Variants in ADGRV1 observed in about 807,000 individuals in gnomAD.
The protein encoded by ADGRV1 is G-protein coupled receptor 98.
In ADGRV1, 359 loss-of-function variants were observed where a neutral mutation model predicts 596.2. The observed-to-expected ratio is 0.60, with a 90% CI of 0.55 to 0.66. The LOEUF is 0.66. Ranked by LOEUF, ADGRV1 falls within the 30% of genes least tolerant of loss-of-function variation. The pLI, the probability that ADGRV1 is intolerant of heterozygous loss-of-function variation, is 0.00. For missense variants in ADGRV1, 7,274 were observed against 7,575.6 expected, an observed-to-expected ratio of 0.96 and a Z score of 1.48; for synonymous variants, 2,681 against 2,679.2, an observed-to-expected ratio of 1.00 and a Z score of -0.02.
chr5:90,971,762 GA>G (rs1779036200), intron 84 of ADGRV1, among the ~76,000 whole-genome samples: 1 of 152,176 alleles, frequency 6.6e-6, no homozygotes, highest in South Asian at 2.1e-4. Flanking sequence ...AAATTGTAAA[GA>G]CCATCGATGC....
chr5:90,817,281 T>G (rs1412854667), intron 75 of ADGRV1, among the ~76,000 whole-genome samples: 3 of 151,396 alleles, frequency 2.0e-5, no homozygotes, highest in Non-Finnish European at 4.4e-5. Context: ...TCTTGTAAAT[T>G]TGTTTGAGTT....
intron 77 of ADGRV1, among the ~76,000 whole-genome samples, chr5:90,831,248 C>T (rs201099166): frequency 2.0e-4 from 29 of 148,162 alleles, no homozygotes; most frequent in East Asian, 1.3e-3. Flanking sequence ...TATATATATA[C>T]ACACACACAC....
intron 1 of ADGRV1, among the ~76,000 whole-genome samples, chr5:90,564,744 A>G (rs1380086197): frequency 7.0e-5 from 6 of 85,372 alleles, no homozygotes; most frequent in Admixed American, 1.9e-4. Context: ...CTCCTGCCTC[A>G]GCCTCCCGAG....
chr5:90,654,312 A>G, intron 20 of ADGRV1: 1 of 264,330 alleles, frequency 3.8e-6, no homozygotes, highest in South Asian at 4.5e-5. Context: ...AGGAATGAAC[A>G]AAGGAATAGA....
At chr5:90,564,741 C>A (rs1755367694) in intron 1 of ADGRV1, among the ~76,000 whole-genome samples, 2 of 87,820 alleles carry the variant, frequency 2.3e-5, no homozygotes, top group African/African-American at 1.2e-4. Context: ...ATTCTCCTGC[C>A]TCAGCCTCCC....
rs758765037 is a variant in ADGRV1, at chr5:90,675,311, G to A, written c.5179G>A (p.Val1727Ile). Residue 1727 changes from valine to isoleucine, a missense_variant, in exon 24 of 90, where the codon GTT becomes ATT. Val to Ile is a conservative substitution (Grantham distance 29). Transcript: ENST00000405460. ...KDAMTLPASS[V>I]PHITVEEEDG... ...CGCAATGACCCTGCCTGCAAGCAGCGTTCCACATATCACTGTGGAGGAGGA... is the reference window on the plus strand; with the variant it reads ...CGCAATGACCCTGCCTGCAAGCAGCATTCCACATATCACTGTGGAGGAGGA... The A allele has an allele frequency of 8.7e-6, 14 of 1,613,678 alleles. No homozygotes were observed. Among genetic ancestry groups the A allele is most frequent in the African/African-American group, 1.3e-5 (1 of 74,920 alleles).
chr5:90,569,646 C>G (rs1479507198), intron 1 of ADGRV1, among the ~76,000 whole-genome samples: 1 of 150,826 alleles, frequency 6.6e-6, no homozygotes, highest in Admixed American at 6.6e-5. Flanking sequence ...TCCTCTTTTA[C>G]TGCCTTCTTT....
intron 85 of ADGRV1, among the ~76,000 whole-genome samples, chr5:91,054,376 C>G (rs1227036904): frequency 2.0e-5 from 3 of 152,078 alleles, no homozygotes; most frequent in African/African-American, 7.2e-5. Flanking sequence ...TAAAAAAGAT[C>G]TAGTCCCTCT....
chr5:90,563,400 C>G (rs1157233444), intron 1 of ADGRV1, among the ~76,000 whole-genome samples: 2 of 152,198 alleles, frequency 1.3e-5, no homozygotes, highest in African/African-American at 2.4e-5. Context: ...AATAACTAAT[C>G]AACAGAGAGT....
intron 38 of ADGRV1, 31 bp downstream of exon 38, chr5:90,706,425 G>T (rs1293586606): frequency 6.6e-7 from 1 of 1,504,112 alleles, no homozygotes; most frequent in Non-Finnish European, 8.9e-7. Context: ...TAATCTTAGG[G>T]GGAGATAGTT....
At position 90,725,673 on chromosome 5, in the gene ADGRV1, A is replaced by G. The variant is rs1187129093; in HGVS notation, c.10161+17A>G. 2 of 1,208,602 alleles carry G rather than the reference A, an allele frequency of 1.7e-6. No individual in the cohort carries two copies. The highest frequency in any genetic ancestry group is 2.6e-5 in the South Asian group (2 of 76,494). 74.9% of individuals were successfully genotyped at this position (1,208,602 alleles called of 1,614,324 possible). A position where few individuals can be genotyped will look rare whatever the true frequency, so the allele number is the denominator to read the frequency against. ...TTAACTCAGGTTTGATTCTTTTAAA[A>G]TGAAGTGGGTTTTTTTTTGCTTTTC... On this transcript the variant is annotated intron_variant, in intron 48 of 89. Transcript: ENST00000405460.
intron 87 of ADGRV1, among the ~76,000 whole-genome samples, chr5:91,109,471 T>C (rs982606785): frequency 6.6e-6 from 1 of 152,180 alleles, no homozygotes; most frequent in Non-Finnish European, 1.5e-5. Context: ...AGAGGGACTC[T>C]GACTTCAAGA....
rs1183826180 is a variant in ADGRV1 at position 90,690,016 on chromosome 5, G to A, written c.6646G>A (p.Gly2216Arg). ...TGAAACAACAGGAGGAGCCAGACTA[G>A]GGGCTTTAACAGAGGCAGTCATTAT... is the stretch of plus-strand genomic sequence containing the variant. ...MNETTGGARL[G>R]ALTEAVIIIE... is the part of the protein sequence containing the mutation. The change falls in exon 30 of 90, where the codon GGG (glycine) becomes AGG (arginine). Residue 2216 changes from glycine (G) to arginine (R), a missense_variant. By Grantham distance (125) the Gly-to-Arg change is moderately radical (BLOSUM62 -2). This residue lies in a region of ADGRV1 where 3,643 missense variants were observed against 3,809.2 expected (regional missense o/e 0.96). Transcript: ENST00000405460. The A allele has an allele frequency of 6.2e-7, 1 of 1,601,054 alleles. No homozygotes were observed. The highest frequency in any genetic ancestry group is 2.2e-5 in the East Asian group (1 of 44,608).
intron 82 of ADGRV1, among the ~76,000 whole-genome samples, chr5:90,858,188 C>A (rs1767209276): frequency 6.6e-6 from 1 of 152,134 alleles, no homozygotes; most frequent in African/African-American, 2.4e-5. Context: ...AATGAAAGGA[C>A]AAATCATCCA....
chr5:91,003,343 T>C (rs529684534), intron 85 of ADGRV1, among the ~76,000 whole-genome samples: 28 of 152,292 alleles, frequency 1.8e-4, no homozygotes, highest in Non-Finnish European at 3.2e-4. Context: ...AGAATAATTA[T>C]AGGTAGCACA....
chr5:90,561,362 G>A (rs189716735), intron 1 of ADGRV1, among the ~76,000 whole-genome samples: 26 of 152,136 alleles, frequency 1.7e-4, no homozygotes, highest in Non-Finnish European at 3.2e-4. Context: ...GTTAAGAGAC[G>A]CACTTAAGGC....
intron 85 of ADGRV1, among the ~76,000 whole-genome samples, chr5:91,067,352 A>G (rs558149689): frequency 4.7e-4 from 71 of 152,078 alleles, no homozygotes; most frequent in Admixed American, 7.9e-4. Context: ...CATGTTGTTC[A>G]GGCTGGTCTT....
intron 1 of ADGRV1, among the ~76,000 whole-genome samples, chr5:90,569,720 C>A (rs1218238265): frequency 6.6e-6 from 1 of 151,150 alleles, no homozygotes; most frequent in East Asian, 1.9e-4. Context: ...TTATTATATT[C>A]TTTTCATTAA....
At chr5:91,098,521 C>G (rs1791078982) in intron 86 of ADGRV1, among the ~76,000 whole-genome samples, 1 of 152,162 alleles carries the variant, frequency 6.6e-6, no homozygotes, top group Non-Finnish European at 1.5e-5. Flanking sequence ...CTGGATATGC[C>G]TCTGGATATG....
Sources: allele counts gnomAD v4.1 joint callset (sites outside exome capture counted in the v4.1 genomes callset), GRCh38; gene constraint gnomAD v4.1.1; regional missense constraint gnomAD v4.1.1; transcripts MANE v1.5; gene names NCBI Gene and HGNC (gene_info 2026-07-23, HGNC 2026-07-21).